CEACAM19: variants seen among roughly 807,000 people sequenced by gnomAD.
The protein encoded by CEACAM19 is CEA cell adhesion molecule 19, also known as cell adhesion molecule CEACAM19.
Under a neutral mutation model 37.6 loss-of-function variants are expected in CEACAM19, and 37 were observed. The observed-to-expected ratio is 0.98, with a 90% CI of 0.76 to 1.29. CEACAM19 has a LOEUF of 1.29. Among genes scored for constraint, CEACAM19 ranks in the 50% most tolerant of loss-of-function variants. CEACAM19 has a pLI of 0.00. For synonymous variants in CEACAM19, 140 were observed against 149.8 expected (o/e 0.93, Z 0.48); for missense variants, 340 against 375.6 (o/e 0.91, Z 0.78).
At chr19:44,673,199 C>A (rs759873729) in intron 2 of CEACAM19, among the ~76,000 whole-genome samples, 1 of 152,222 alleles carries the variant, frequency 6.6e-6, no homozygotes, top group Non-Finnish European at 1.5e-5. Context: ...AATGCACCAT[C>A]TCATTTACCT....
chr19:44,676,569 A>G, intron 3 of CEACAM19, 148 bp downstream of exon 3: 2 of 746,386 alleles, frequency 2.7e-6, no homozygotes, highest in South Asian at 1.9e-5. Flanking sequence ...TCTATCCTGT[A>G]TTAAACAGAA....
chr19:44,681,169 T>G, intron 5 of CEACAM19, 58 bp from the exon 6 acceptor site: 2 of 1,132,596 alleles, frequency 1.8e-6, no homozygotes, highest in South Asian at 1.3e-5. Context: ...CAACAGGCAG[T>G]CAGAGTGGCC....
In CEACAM19 at chr19:44,681,310, C is replaced by T. The variant is rs774484383; in HGVS notation, c.790C>T (p.Arg264Trp). 2.0e-5 allele frequency: 32 copies of T among 1,611,460 alleles called. No individual in the cohort carries two copies. Among genetic ancestry groups the T allele is most frequent in the Middle Eastern group, 1.6e-4 (1 of 6,076 alleles). Residue 264 changes from arginine to tryptophan, a missense_variant and splice_region_variant, in exon 6 of 8, where the codon CGG becomes TGG. Coordinates refer to ENST00000358777, the MANE Select transcript of CEACAM19 (RefSeq NM_001127893.3). ...TGACACAAGGTCCATAAACCCAGCC[C>T]GGGTGAGTCCCGTCCCCAGCCTCTC... Reference protein sequence around the residue: ...ISDTRSINPARPLPTPPHLQA... With the variant: ...ISDTRSINPAWPLPTPPHLQA...
Sources: allele counts gnomAD v4.1 joint callset (sites outside exome capture counted in the v4.1 genomes callset), GRCh38; gene constraint gnomAD v4.1.1; transcripts MANE v1.5; gene names NCBI Gene and HGNC (gene_info 2026-07-23, HGNC 2026-07-21).